FGD4: variants seen among roughly 807,000 people sequenced by gnomAD.
The protein encoded by FGD4 is FYVE, RhoGEF and PH domain-containing protein 4.
FGD4 carries 42 observed loss-of-function variants against 102.0 expected under a neutral mutation model. That is an observed-to-expected ratio of 0.41 (90% CI 0.32 to 0.53). The LOEUF is 0.53. Among genes scored for constraint, FGD4 ranks in the 20% least tolerant of loss-of-function variants. The pLI is 0.21. For missense variants in FGD4, 902 were observed against 1,078.2 expected (o/e 0.84, Z 2.29); for synonymous variants, 380 against 375.7 (o/e 1.01, Z -0.13).
At chr12:32,452,627 CT>C (rs1224246665) in intron 1 of FGD4, among the ~76,000 whole-genome samples, 1 of 152,178 alleles carries the variant, frequency 6.6e-6, no homozygotes, top group African/African-American at 2.4e-5. Context: ...ATTCTCCTTG[CT>C]TTGAATTCTA....
In FGD4 at chr12:32,399,629, G is replaced by C; in HGVS notation, c.-165G>C. Reference sequence around the variant, plus strand: ...ACTCGCCGCGACGCCGGGAGGGAGCGTACCGGGAAGGAGAGGGAGAGGAGG... The same window carrying C: ...ACTCGCCGCGACGCCGGGAGGGAGCCTACCGGGAAGGAGAGGGAGAGGAGG... On this transcript the variant is annotated 5_prime_UTR_variant, in exon 1 of 17. Transcript: ENST00000534526. The C allele has an allele frequency of 7.1e-7, 1 of 1,401,274 alleles. No homozygotes were observed. The highest frequency in any genetic ancestry group is 1.5e-5 in the South Asian group (1 of 64,692). 86.8% of individuals were successfully genotyped at this position (1,401,274 alleles called of 1,614,324 possible). A position where few individuals can be genotyped will look rare whatever the true frequency, so the allele number is the denominator to read the frequency against.
At chr12:32,629,535 T>C (rs1175777136) in intron 14 of FGD4, among the ~76,000 whole-genome samples, 1 of 152,192 alleles carries the variant, frequency 6.6e-6, no homozygotes, top group East Asian at 1.9e-4. Flanking sequence ...ATTTCTGTTA[T>C]TTGTTTTTCT....
chr12:32,617,922 G>A (rs889593548), intron 10 of FGD4, among the ~76,000 whole-genome samples: 3 of 152,192 alleles, frequency 2.0e-5, no homozygotes, highest in African/African-American at 7.2e-5. Flanking sequence ...TTATTGACTA[G>A]CATCATATTG....
chr12:32,592,644 C>A (rs1045479679), intron 4 of FGD4, among the ~76,000 whole-genome samples: 1 of 152,070 alleles, frequency 6.6e-6, no homozygotes, highest in African/African-American at 2.4e-5. Flanking sequence ...AATTTTAAGA[C>A]TACTTTATTA....
intron 13 of FGD4, among the ~76,000 whole-genome samples, 189 bp downstream of exon 13, chr12:32,625,257 ATTTTTC>A (rs1485555253): frequency 7.1e-6 from 1 of 141,588 alleles, no homozygotes; most frequent in Non-Finnish European, 1.5e-5. Flanking sequence ...ACTTCTTTGA[ATTTTTC>A]TTATTCTTTT....
At chr12:32,434,226 C>T (rs191181776) in intron 1 of FGD4, among the ~76,000 whole-genome samples, 5 of 152,270 alleles carry the variant, frequency 3.3e-5, no homozygotes, top group Admixed American at 2.6e-4. Context: ...CCTCACAGAC[C>T]CTGTCTGTTC....
intron 1 of FGD4, among the ~76,000 whole-genome samples, chr12:32,422,965 C>T (rs757246662): frequency 6.6e-6 from 1 of 152,144 alleles, no homozygotes; most frequent in Non-Finnish European, 1.5e-5. Context: ...ATACTTTCTC[C>T]AAGTTCACAT....
intron 1 of FGD4, among the ~76,000 whole-genome samples, chr12:32,473,307 G>A (rs1943478315): frequency 2.0e-5 from 3 of 151,852 alleles, no homozygotes; most frequent in South Asian, 4.1e-4. Context: ...AATAACTCTT[G>A]CTACTGCTCA....
Position 32,551,040 on chromosome 12 carries a change from A to G in FGD4, c.167-13097A>G, listed in dbSNP as rs370433701. On this transcript the variant is annotated intron_variant, in intron 1 of 16. Transcript: ENST00000534526. ...ACATTTGTAAATAATTCATTATTAT[A>G]TTAGTTTGCAAGAGTCATGATTTTG... Among the ~76,000 whole-genome samples, 35 of 152,326 alleles carry G rather than the reference A, an allele frequency of 2.3e-4. 2 individuals carry two copies. The highest frequency in any genetic ancestry group is 8.4e-4 in the African/African-American group (35 of 41,576).
At chr12:32,625,425 A>G (rs1950099140) in intron 13 of FGD4, among the ~76,000 whole-genome samples, 1 of 151,906 alleles carries the variant, frequency 6.6e-6, no homozygotes. Flanking sequence ...GCATGCCACC[A>G]TGCCCAGCTA....
Position 32,619,743 on chromosome 12 carries a change from G to A in FGD4, c.1795G>A (p.Gly599Ser). 6.2e-7 allele frequency: 1 copy of A among 1,614,040 alleles called. No individual in the cohort carries two copies. Among genetic ancestry groups the A allele is most frequent in the Non-Finnish European group, 8.5e-7 (1 of 1,180,024 alleles). ...LYCVPKFSLV[G>S]SKFTVRTRVG... is the part of the protein sequence containing the mutation. Reference sequence around the variant, plus strand: ...CTGTGTGCCCAAATTCAGCTTGGTAGGCTCTAAATTCACAGTTCGAACCAG... The same window carrying A: ...CTGTGTGCCCAAATTCAGCTTGGTAAGCTCTAAATTCACAGTTCGAACCAG... The change falls in exon 11 of 17, where the codon GGC (glycine) becomes AGC (serine). Residue 599 changes from glycine (G) to serine (S), a missense_variant. Coordinates refer to ENST00000534526, the MANE Select transcript of FGD4 (RefSeq NM_001370298.3).
Position 32,608,103 on chromosome 12 carries a change from C to T in FGD4, c.1543+8C>T, listed in dbSNP as rs75622900. Reference sequence around the variant, plus strand: ...ACTGGAATGATGCTAAAAGTAAATGCTTTTTTTTTGTTTTCTCCCTATTTT... The same window carrying T: ...ACTGGAATGATGCTAAAAGTAAATGTTTTTTTTTTGTTTTCTCCCTATTTT... On this transcript the variant is annotated splice_region_variant and intron_variant, in intron 8 of 16. Coordinates refer to ENST00000534526, the MANE Select transcript of FGD4 (RefSeq NM_001370298.3). 3 of 1,607,030 alleles carry T rather than the reference C, an allele frequency of 1.9e-6. No homozygotes were observed. Among genetic ancestry groups the T allele is most frequent in the Middle Eastern group, 1.7e-4 (1 of 6,030 alleles).
rs377748243 is a variant in FGD4, at chr12:32,524,772, C to T, written c.167-39365C>T. ...CATGGGAGGTCAAGGCTGCAGTGAG[C>T]TGTGATCACACCACTGCGATCCACC... On this transcript the variant is annotated intron_variant, in intron 1 of 16. Transcript: ENST00000534526. Among the ~76,000 whole-genome samples, 3 of 151,624 alleles carry T rather than the reference C, an allele frequency of 2.0e-5. No homozygotes were observed. In the South Asian group the frequency reaches 6.2e-4, roughly 32 times the overall value.
chr12:32,506,655 C>A lies in FGD4; in HGVS notation c.167-57482C>A, dbSNP rs191566820. ...CTCCTTGCCCAGGACCACCCCACCC[C>A]CTAAGGAGACATTCACTGTCTTCAT... On this transcript the variant is annotated intron_variant, in intron 1 of 16. Coordinates refer to ENST00000534526, the MANE Select transcript of FGD4 (RefSeq NM_001370298.3). This position sits in a 1 kb window ranked among gnomAD's most constrained non-coding sequence, Gnocchi z 4.5. 2.0e-5 allele frequency among the ~76,000 whole-genome samples: 3 copies of A among 152,198 alleles called. No individual in the cohort carries two copies. Among genetic ancestry groups the A allele is most frequent in the East Asian group, 3.9e-4 (2 of 5,194 alleles).
intron 1 of FGD4, among the ~76,000 whole-genome samples, chr12:32,547,895 G>T (rs561843809): frequency 6.6e-6 from 1 of 152,078 alleles, no homozygotes; most frequent in South Asian, 2.1e-4. Flanking sequence ...TAGTAGAGAC[G>T]GGGTTTTACC....
At chr12:32,619,605 C>G (rs1158806785) in intron 10 of FGD4, 93 bp from the exon 11 acceptor site, 1 of 1,409,164 alleles carries the variant, frequency 7.1e-7, no homozygotes, top group Non-Finnish European at 1.0e-6. Flanking sequence ...ACACTCCAGC[C>G]TGGGCAACAG....
At chr12:32,406,380 CCT>C (rs921186381) in intron 1 of FGD4, among the ~76,000 whole-genome samples, 8 of 151,692 alleles carry the variant, frequency 5.3e-5, no homozygotes, top group Admixed American at 3.9e-4. Flanking sequence ...ATGGTGAAAC[CCT>C]GTCTCTACTA....
intron 1 of FGD4, among the ~76,000 whole-genome samples, chr12:32,528,577 G>T (rs1941493981): frequency 6.6e-6 from 1 of 152,076 alleles, no homozygotes; most frequent in African/African-American, 2.4e-5. Context: ...TTTTAGTAGA[G>T]ATGAGGTTTC....
chr12:32,548,885 G>A (rs772807075), intron 1 of FGD4, among the ~76,000 whole-genome samples: 1 of 152,208 alleles, frequency 6.6e-6, no homozygotes, highest in Non-Finnish European at 1.5e-5. Context: ...TCAAAGTCAG[G>A]GTCGTGAGGG....
Sources: allele counts gnomAD v4.1 joint callset (sites outside exome capture counted in the v4.1 genomes callset), GRCh38; gene constraint gnomAD v4.1.1; non-coding constraint Gnocchi (gnomAD v3.1); transcripts MANE v1.5; gene names NCBI Gene and HGNC (gene_info 2026-07-23, HGNC 2026-07-21).